Variants in LRGUK observed in about 807,000 individuals in gnomAD.
LRGUK encodes leucine-rich repeat and guanylate kinase domain-containing protein.
LRGUK carries 65 observed loss-of-function variants against 76.0 expected under a neutral mutation model. That is an observed-to-expected ratio of 0.85 (90% CI 0.70 to 1.05). The LOEUF (loss-of-function observed/expected upper bound fraction) is 1.05. LRGUK is among the 50% of genes least tolerant of loss of function. LRGUK has a pLI of 0.00. For synonymous variants in LRGUK, 268 were observed against 265.6 expected (o/e 1.01, Z -0.09); for missense variants, 758 against 732.8 (o/e 1.03, Z -0.40).
chr7:134,259,643 T>C (rs1802669859), intron 19 of LRGUK, among the ~76,000 whole-genome samples: 1 of 152,194 alleles, frequency 6.6e-6, no homozygotes, highest in Non-Finnish European at 1.5e-5. Context: ...GTATTCAGGA[T>C]AGCTGGCTGG....
chr7:134,186,285 G>A (rs1799977090), intron 11 of LRGUK, among the ~76,000 whole-genome samples: 2 of 152,166 alleles, frequency 1.3e-5, no homozygotes, highest in African/African-American at 4.8e-5. Context: ...CTTATCTGGT[G>A]AGGCCTCCCA....
chr7:134,239,061 A>G (rs1457867499), intron 16 of LRGUK, among the ~76,000 whole-genome samples: 7 of 152,260 alleles, frequency 4.6e-5, no homozygotes, highest in Admixed American at 4.6e-4. Context: ...TTCACGGTTG[A>G]CCCAGCTCCT....
chr7:134,259,603 T>C (rs773021844), intron 19 of LRGUK, among the ~76,000 whole-genome samples: 23 of 152,168 alleles, frequency 1.5e-4, no homozygotes, highest in Non-Finnish European at 2.8e-4. Context: ...TTCTAAGCAA[T>C]GTGAGGGTGG....
At chr7:134,162,057 C>T (rs1024472335) in intron 6 of LRGUK, among the ~76,000 whole-genome samples, 3 of 152,032 alleles carry the variant, frequency 2.0e-5, no homozygotes, top group African/African-American at 4.8e-5. Flanking sequence ...CTTAAATCTT[C>T]GTTTTATTCT....
At chr7:134,199,032 T>C (rs1800635943) in intron 13 of LRGUK, among the ~76,000 whole-genome samples, 188 bp from the exon 14 acceptor site, 1 of 152,142 alleles carries the variant, frequency 6.6e-6, no homozygotes, top group Admixed American at 6.5e-5. Flanking sequence ...ATTTAAAACT[T>C]GATGAAGAGA....
intron 15 of LRGUK, among the ~76,000 whole-genome samples, chr7:134,219,267 G>A (rs777598470): frequency 1.1e-4 from 16 of 152,120 alleles, no homozygotes; most frequent in African/African-American, 4.8e-5. Context: ...AGTTCAAGTC[G>A]TTAAAGCGGC....
At chr7:134,181,115 A>G (rs1456886301) in intron 10 of LRGUK, among the ~76,000 whole-genome samples, 3 of 152,178 alleles carry the variant, frequency 2.0e-5, no homozygotes, top group Non-Finnish European at 2.9e-5. Flanking sequence ...GTTGTTGCTC[A>G]CTACCAGTAG....
chr7:134,180,510 A>G (rs1799695781), intron 10 of LRGUK, among the ~76,000 whole-genome samples: 1 of 152,120 alleles, frequency 6.6e-6, no homozygotes, highest in African/African-American at 2.4e-5. Context: ...TCGCTATTGT[A>G]TGGGTATTTC....
At chr7:134,256,989 G>A (rs991740061) in intron 18 of LRGUK, among the ~76,000 whole-genome samples, 1 of 152,152 alleles carries the variant, frequency 6.6e-6, no homozygotes, top group Non-Finnish European at 1.5e-5. Context: ...GGGTCCCAAG[G>A]TGGGAGATGG....
chr7:134,237,888 A>C (rs1802051292), intron 16 of LRGUK, among the ~76,000 whole-genome samples: 1 of 152,192 alleles, frequency 6.6e-6, no homozygotes, highest in African/African-American at 2.4e-5. Flanking sequence ...CCACACTGAG[A>C]ACCCTAATTC....
chr7:134,271,095 G>A, the LRGUK span, among the ~76,000 whole-genome samples: 22 of 151,946 alleles, frequency 1.4e-4, no homozygotes, highest in South Asian at 3.7e-3. Flanking sequence ...AAGCTTATTG[G>A]CCACCTACAG....
At chr7:134,276,477 G>T in the LRGUK span, among the ~76,000 whole-genome samples, 1 of 152,190 alleles carries the variant, frequency 6.6e-6, no homozygotes, top group Admixed American at 6.5e-5. Context: ...TCACAGAAAG[G>T]TGGGGGACAG....
intron 14 of LRGUK, 35 bp downstream of exon 14, chr7:134,199,456 T>G: frequency 6.4e-7 from 1 of 1,557,178 alleles, no homozygotes; most frequent in East Asian, 2.2e-5. Context: ...GTTTTTGAAA[T>G]GTAAGATTAC....
At position 134,189,994 on chromosome 7, in the gene LRGUK, G is replaced by T. The variant is rs1261470350; in HGVS notation, c.1335-1661G>T. Among the ~76,000 whole-genome samples, 3 of 152,158 alleles carry T rather than the reference G, an allele frequency of 2.0e-5. No individual in the cohort carries two copies. The East Asian group carries it at 5.8e-4, about 29-fold the overall frequency. On this transcript the variant is annotated intron_variant, in intron 11 of 15. Transcript: ENST00000645682. ...ACTTTGCAACGAAGAGCCTTTCGAG[G>T]TTGGAACTTTACTCTCTGAATTAGT...
At chr7:134,196,631 G>A (rs906094668) in intron 12 of LRGUK, among the ~76,000 whole-genome samples, 1 of 152,302 alleles carries the variant, frequency 6.6e-6, no homozygotes, top group African/African-American at 2.4e-5. Context: ...CGGCAGTAAA[G>A]GGCAGGCCAT....
chr7:134,253,912 A>G (rs553251359), intron 18 of LRGUK, among the ~76,000 whole-genome samples: 4 of 152,322 alleles, frequency 2.6e-5, no homozygotes, highest in African/African-American at 9.6e-5. Context: ...CTAGGTCCAA[A>G]TCAAATTTAA....
chr7:134,159,652 G>A (rs58932368), intron 6 of LRGUK, among the ~76,000 whole-genome samples: 19,751 of 152,138 alleles, frequency 0.13, 1,620 homozygotes, highest in East Asian at 0.32. Context: ...AGCTAGGCGC[G>A]GTGGTGGTCC....
At chr7:134,237,054 T>TC (rs1802033166) in intron 16 of LRGUK, among the ~76,000 whole-genome samples, 1 of 137,702 alleles carries the variant, frequency 7.3e-6, no homozygotes, top group Admixed American at 7.4e-5. Flanking sequence ...CTCTTTCTTT[T>TC]TTTTTTTTTT....
intron 15 of LRGUK, among the ~76,000 whole-genome samples, chr7:134,206,055 C>T (rs1019655217): frequency 1.7e-4 from 26 of 152,272 alleles, no homozygotes; most frequent in South Asian, 2.1e-4. Flanking sequence ...TAAAAGGAAG[C>T]GCAAGGTTTA....
Sources: gnomAD v4.1 joint callset for allele counts (sites outside exome capture counted in the v4.1 genomes callset) on GRCh38, gnomAD v4.1.1 for gene constraint, MANE v1.5 for transcripts, NCBI Gene and HGNC (gene_info 2026-07-23, HGNC 2026-07-21) for gene names.